The following TAL1 variants were observed in gnomAD, a reference collection of about 807,000 sequenced individuals.
TAL1 encodes the protein T-cell acute lymphocytic leukemia protein 1.
A neutral mutation model predicts 17.9 loss-of-function variants in TAL1; 8 were observed. The observed-to-expected ratio is 0.45, with a 90% CI of 0.26 to 0.81. The LOEUF is 0.81. TAL1 is among the 30% of genes least tolerant of loss of function. The probability of loss-of-function intolerance (pLI) is 0.17; values close to 1 mark genes in which losing one functional copy is unlikely to be tolerated. For synonymous variants in TAL1, 223 were observed against 218.6 expected, an observed-to-expected ratio of 1.02 and a Z score of -0.18; for missense variants, 466 against 486.9, an observed-to-expected ratio of 0.96 and a Z score of 0.40.
chr1:47,225,933 C>G, intron 1 of TAL1, 44 bp from the exon 3 acceptor site: 1 of 1,548,362 alleles, frequency 6.5e-7, no homozygotes, highest in Non-Finnish European at 8.6e-7. Flanking sequence ...CTCTGACGAC[C>G]GCCCCTGACC....
chr1:47,225,869 C>G, exon 2 of TAL1: 1 of 1,580,296 alleles, frequency 6.3e-7, no homozygotes, highest in Non-Finnish European at 8.5e-7. Context: ...AGCCGCCTCG[C>G]TCGGCGGCCG....
chr1:47,225,834 G>A (rs1434905947), exon 2 of TAL1: 1 of 1,583,858 alleles, frequency 6.3e-7, no homozygotes, highest in Non-Finnish European at 8.5e-7. Context: ...GCCGCGTCCC[G>A]TCCCTCTAGC....
chr1:47,224,238 G>A, intron 2 of TAL1, 140 bp from the exon 4 acceptor site: 1 of 675,984 alleles, frequency 1.5e-6, no homozygotes, highest in Non-Finnish European at 2.6e-6. Context: ...CTGGGAATAG[G>A]CACACACAGA....
At chr1:47,220,941 G>T (rs1225320676) in intron 3 of TAL1, among the ~76,000 whole-genome samples, 1 of 152,230 alleles carries the variant, frequency 6.6e-6, no homozygotes, top group East Asian at 1.9e-4. Flanking sequence ...GGCTGGGAAG[G>T]CTTGTCTGAG....
chr1:47,225,337 T>C, intron 2 of TAL1, 106 bp downstream of exon 3: 1 of 1,067,496 alleles, frequency 9.4e-7, no homozygotes, highest in Non-Finnish European at 1.2e-6. Flanking sequence ...CTCCACCCGC[T>C]CGGCCCCCAG....
intron 2 of TAL1, among the ~76,000 whole-genome samples, chr1:47,224,943 T>C (rs1294368893): frequency 6.6e-6 from 1 of 152,126 alleles, no homozygotes; most frequent in Non-Finnish European, 1.5e-5. Flanking sequence ...CCAGCAGAGA[T>C]TCGGGGGAGG....
At chr1:47,218,466 G>T (rs951167076) in exon 4 of TAL1, 2 of 232,950 alleles carry the variant, frequency 8.6e-6, no homozygotes, top group Non-Finnish European at 1.7e-5. Flanking sequence ...CTTTCAGAGG[G>T]GAGCACTTCT....
chr1:47,221,479 G>A (rs1643806215), intron 3 of TAL1, among the ~76,000 whole-genome samples: 1 of 152,192 alleles, frequency 6.6e-6, no homozygotes, highest in Non-Finnish European at 1.5e-5. Context: ...AAGACTCACT[G>A]GGGATTTGTA....
At chr1:47,217,921 T>C (rs769218627) in exon 4 of TAL1, 38 of 396,710 alleles carry the variant, frequency 9.6e-5, no homozygotes, top group Non-Finnish European at 1.6e-4. Flanking sequence ...CTGGGGAGCC[T>C]GAAATTGAAT....
At chr1:47,224,403 A>AACACAC (rs3835389) in intron 2 of TAL1, among the ~76,000 whole-genome samples, 3 of 148,616 alleles carry the variant, frequency 2.0e-5, no homozygotes, top group Non-Finnish European at 4.5e-5. Flanking sequence ...CACAAAAATG[A>AACACAC]ACACACACAC....
chr1:47,223,227 C>T (rs553111754), intron 3 of TAL1, among the ~76,000 whole-genome samples: 66 of 152,324 alleles, frequency 4.3e-4, no homozygotes, highest in Middle Eastern at 6.8e-3. Flanking sequence ...GCATCTGGGT[C>T]TGGCTCAAAG....
intron 3 of TAL1, among the ~76,000 whole-genome samples, chr1:47,220,988 G>C (rs1479155092): frequency 6.6e-6 from 1 of 152,186 alleles, no homozygotes; most frequent in Non-Finnish European, 1.5e-5. Context: ...AAGGGGAGAG[G>C]AAGAAGAGTA....
At chr1:47,225,871 C>T (rs1643902140) in exon 2 of TAL1, 3 of 1,578,470 alleles carry the variant, frequency 1.9e-6, no homozygotes, top group African/African-American at 1.4e-5. Flanking sequence ...CCGCCTCGCT[C>T]GGCGGCCGCT....
chr1:47,223,592 A>C, intron 3 of TAL1: 2 of 161,436 alleles, frequency 1.2e-5, no homozygotes, highest in Non-Finnish European at 2.7e-5. Flanking sequence ...CTTGGGAGGA[A>C]GTGCAGGGAA....
At chr1:47,219,699 G>A (rs779053942) in exon 4 of TAL1, 1 of 1,606,476 alleles carries the variant, frequency 6.2e-7, no homozygotes, top group East Asian at 2.2e-5. Flanking sequence ...CCTCCTGGCT[G>A]ATCCTGGTGG....
chr1:47,230,525 GGGGGGTTAATGTTGCGTGTTCGCT>G (rs1490688744), upstream of TAL1: 1 of 152,098 alleles, frequency 6.6e-6, no homozygotes, highest in Non-Finnish European at 1.5e-5. Context: ...GCGTGTTCGC[GGGGGGTTAATGTTGCGTGTTCGCT>G]GGGGGTTAAT....
At position 47,225,816 on chromosome 1, in the gene TAL1, T is replaced by C. The variant is rs766487794; in HGVS notation, c.73A>G (p.Ser25Gly). The change falls in exon 2 of 4, where the codon AGC becomes GGC. Residue 25 changes from serine to glycine, a missense_variant. By Grantham distance (56) the Ser-to-Gly change is moderately conservative (BLOSUM62 0). Transcript: ENST00000294339. Reference sequence around the variant, plus strand: ...AGGACCAGGTGCGGGGGGGCCATGCTGGCCTCGGCCGCGTCCCGTCCCTCT... The same window carrying C: ...AGGACCAGGTGCGGGGGGGCCATGCCGGCCTCGGCCGCGTCCCGTCCCTCT... 3.2e-6 allele frequency: 5 copies of C among 1,577,668 alleles called. No individual in the cohort carries two copies. In the East Asian group the frequency reaches 9.6e-5, roughly 30 times the overall value.
exon 2 of TAL1, chr1:47,225,602 G>C: frequency 2.2e-6 from 3 of 1,364,224 alleles, no homozygotes; most frequent in Non-Finnish European, 2.8e-6. Context: ...GGGCCCGGGA[G>C]GTCTGCACAG....
At chr1:47,231,458 G>A (rs1455200606), upstream of TAL1, among the ~76,000 whole-genome samples, 1 of 151,316 alleles carries the variant, frequency 6.6e-6, no homozygotes, top group African/African-American at 2.4e-5. Flanking sequence ...CCCCACAGAA[G>A]GGCAGCAAAC....
Sources: gnomAD v4.1 joint callset for allele counts (sites outside exome capture counted in the v4.1 genomes callset) on GRCh38, gnomAD v4.1.1 for gene constraint, MANE v1.5 for transcripts, NCBI Gene and HGNC (gene_info 2026-07-23, HGNC 2026-07-21) for gene names.